Variants in RIMS2 observed in about 807,000 individuals in gnomAD.
RIMS2 encodes regulating synaptic membrane exocytosis protein 2.
RIMS2 carries 59 observed loss-of-function variants against 174.4 expected under a neutral mutation model. The observed-to-expected ratio is 0.34, with a 90% CI of 0.27 to 0.42. The LOEUF is 0.42. Among genes scored for constraint, RIMS2 ranks in the 10% least tolerant of loss-of-function variants. The pLI, the probability that RIMS2 is intolerant of heterozygous loss-of-function variation, is 1.00. For missense variants in RIMS2, 1,620 were observed against 1,666.3 expected, an observed-to-expected ratio of 0.97 and a Z score of 0.48; for synonymous variants, 606 against 572.5, an observed-to-expected ratio of 1.06 and a Z score of -0.84.
chr8:103,885,857 G>A (rs745556757), exon 4 of RIMS2: 17 of 1,612,710 alleles, frequency 1.1e-5, no homozygotes, highest in African/African-American at 2.7e-5. Flanking sequence ...AGAGGCTCAG[G>A]GACCAAGTTC....
At chr8:103,939,142 G>T (rs2081977471) in intron 13 of RIMS2, among the ~76,000 whole-genome samples, 1 of 152,178 alleles carries the variant, frequency 6.6e-6, no homozygotes, top group South Asian at 2.1e-4. Flanking sequence ...CTCTGTACCG[G>T]GGCTCTGACC....
rs957734447 is a variant in RIMS2 at position 103,990,637 on chromosome 8, T to C, written c.3044+1216T>C. Among the ~76,000 whole-genome samples the C allele has an allele frequency of 2.6e-5, 4 of 151,996 alleles. No individual in the cohort carries two copies. The South Asian group carries it at 6.2e-4, about 24-fold the overall frequency. ...GATTAGGAGTTGAAAGGAGTCATAT[T>C]AGGATGAATGAAGAGGTATTTTAGT... On this transcript the variant is annotated intron_variant, in intron 17 of 23. Transcript: ENST00000504942.
chr8:104,143,329 A>C (rs2098601441), intron 19 of RIMS2, among the ~76,000 whole-genome samples: 1 of 152,194 alleles, frequency 6.6e-6, no homozygotes, highest in Non-Finnish European at 1.5e-5. Flanking sequence ...AAGGAATGGT[A>C]TTTAATGTAG....
chr8:103,746,976 G>A lies in RIMS2; in HGVS notation c.388-19251G>A, dbSNP rs559572369. Among the ~76,000 whole-genome samples, 19 of 152,064 alleles carry A rather than the reference G, an allele frequency of 1.2e-4. No homozygotes were observed. The South Asian group carries it at 2.7e-3, about 22-fold the overall frequency. ...ATTACAGGAGTTCCCACTTTTTAGTGAGAACATGTGGTATTTGGTTTTCTG... is the reference window on the plus strand; with the variant it reads ...ATTACAGGAGTTCCCACTTTTTAGTAAGAACATGTGGTATTTGGTTTTCTG... On this transcript the variant is annotated intron_variant, in intron 2 of 23. Coordinates refer to ENST00000504942, the Ensembl canonical transcript of RIMS2.
At chr8:104,234,324 C>T (rs1053355653) in intron 19 of RIMS2, among the ~76,000 whole-genome samples, 1 of 151,644 alleles carries the variant, frequency 6.6e-6, no homozygotes. Context: ...TTGAGAGTTA[C>T]GAAGAGGTTG....
chr8:104,245,124 C>T, intron 20 of RIMS2, 67 bp downstream of exon 26: 2 of 1,502,184 alleles, frequency 1.3e-6, no homozygotes, highest in Non-Finnish European at 1.8e-6. Flanking sequence ...TGTGCTTTCA[C>T]AGAGATTTTC....
chr8:104,038,519 A>C (rs968441548), intron 19 of RIMS2, among the ~76,000 whole-genome samples: 9 of 151,938 alleles, frequency 5.9e-5, no homozygotes, highest in Non-Finnish European at 1.3e-4. Context: ...AGTTCTCATT[A>C]GAACCCTTCA....
intron 19 of RIMS2, among the ~76,000 whole-genome samples, chr8:104,037,728 ACAT>A (rs1489193950): frequency 6.6e-6 from 1 of 152,182 alleles, no homozygotes. Context: ...ATAAAATCTC[ACAT>A]CATATTCTCA....
intron 19 of RIMS2, among the ~76,000 whole-genome samples, chr8:104,104,675 G>A (rs2131314090): frequency 6.6e-6 from 1 of 152,234 alleles, no homozygotes; most frequent in African/African-American, 2.4e-5. Context: ...GAAGGCCAAG[G>A]CAGTTAAATA....
chr8:103,876,512 T>C (rs2099137862), intron 3 of RIMS2, among the ~76,000 whole-genome samples: 1 of 151,616 alleles, frequency 6.6e-6, no homozygotes, highest in Non-Finnish European at 1.5e-5. Flanking sequence ...GTAAGTTCTT[T>C]AGTGGTGATT....
intron 3 of RIMS2, among the ~76,000 whole-genome samples, chr8:103,833,194 G>A (rs1277354855): frequency 1.3e-5 from 2 of 152,116 alleles, no homozygotes; most frequent in Non-Finnish European, 2.9e-5. Context: ...GGCCTTCATA[G>A]ATTTTTGATG....
intron 17 of RIMS2, among the ~76,000 whole-genome samples, chr8:103,993,066 A>T (rs1035110451): frequency 1.3e-5 from 2 of 152,166 alleles, no homozygotes. Context: ...GTGAGGCGAG[A>T]TCGCGCCACT....
At chr8:103,689,917 T>G (rs1402714118) in intron 1 of RIMS2, among the ~76,000 whole-genome samples, 1 of 151,826 alleles carries the variant, frequency 6.6e-6, no homozygotes, top group Non-Finnish European at 1.5e-5. Flanking sequence ...TTTGTTTGAT[T>G]GTTTGTTTGT....
intron 2 of RIMS2, among the ~76,000 whole-genome samples, chr8:103,747,459 C>T (rs1312679909): frequency 6.6e-6 from 1 of 151,788 alleles, no homozygotes; most frequent in African/African-American, 2.4e-5. Context: ...TGATCTTACT[C>T]ACATTTTAAC....
chr8:104,255,568 C>G (rs572313119), downstream of RIMS2: 2 of 152,330 alleles, frequency 1.3e-5, no homozygotes, highest in South Asian at 4.1e-4. Flanking sequence ...TTCCCAGGGA[C>G]CCCAGATGCC....
At chr8:104,005,361 G>T in intron 17 of RIMS2, among the ~76,000 whole-genome samples, 1 of 152,152 alleles carries the variant, frequency 6.6e-6, no homozygotes, top group East Asian at 1.9e-4. Flanking sequence ...TGGATTCCTG[G>T]ACTGTGAAAT....
chr8:103,682,441 G>A (rs933952711), intron 1 of RIMS2, among the ~76,000 whole-genome samples: 5 of 152,124 alleles, frequency 3.3e-5, no homozygotes, highest in African/African-American at 1.2e-4. Flanking sequence ...CAGAACTGAA[G>A]TAATATGATG....
chr8:103,532,892 C>A (rs1013014055), intron 1 of RIMS2, among the ~76,000 whole-genome samples: 5 of 152,092 alleles, frequency 3.3e-5, no homozygotes, highest in Admixed American at 6.6e-5. Context: ...GGAAAATGGA[C>A]TTCAAATGTG....
At chr8:104,188,138 G>A (rs952674768) in intron 19 of RIMS2, among the ~76,000 whole-genome samples, 3 of 151,470 alleles carry the variant, frequency 2.0e-5, no homozygotes, top group Non-Finnish European at 4.4e-5. Flanking sequence ...GGTACTAAAG[G>A]TATAGAGAGT....
Sources: gnomAD v4.1 joint callset for allele counts (sites outside exome capture counted in the v4.1 genomes callset) on GRCh38, gnomAD v4.1.1 for gene constraint, MANE v1.5 for transcripts, NCBI Gene and HGNC (gene_info 2026-07-23, HGNC 2026-07-21) for gene names.